VPS45: variants seen among roughly 807,000 people sequenced by gnomAD.
VPS45 encodes the protein vacuolar protein sorting-associated protein 45.
A neutral mutation model predicts 75.9 loss-of-function variants in VPS45; 35 were observed. The ratio of observed to expected loss-of-function variants is 0.46; its 90% confidence interval spans 0.35 to 0.61. VPS45 has a LOEUF of 0.61. VPS45 is among the 20% of genes least tolerant of loss of function. The probability of loss-of-function intolerance (pLI) is 0.00; values close to 1 mark genes in which losing one functional copy is unlikely to be tolerated. For synonymous variants in VPS45, 220 were observed against 238.2 expected (o/e 0.92, Z 0.70); for missense variants, 559 against 685.9 (o/e 0.81, Z 2.07).
chr1:150,122,501 C>A (rs1185972883), intron 14 of VPS45, among the ~76,000 whole-genome samples: 4 of 151,904 alleles, frequency 2.6e-5, no homozygotes, highest in African/African-American at 9.7e-5. Context: ...GCATCAATAC[C>A]TGGGGCTGTT....
chr1:150,083,038 T>A, intron 10 of VPS45, 155 bp downstream of exon 10: 1 of 772,080 alleles, frequency 1.3e-6, no homozygotes, highest in Non-Finnish European at 1.9e-6. Flanking sequence ...AAGATAGATC[T>A]ATAAAAAGAG....
At chr1:150,081,197 A>G (rs1166767763) in intron 7 of VPS45, 145 bp from the exon 8 acceptor site, 4 of 792,950 alleles carry the variant, frequency 5.0e-6, no homozygotes, top group African/African-American at 1.8e-5. Flanking sequence ...TGCTTATAGC[A>G]CAAAGTATGA....
At chr1:150,138,991 A>C (rs1430370916) in intron 14 of VPS45, among the ~76,000 whole-genome samples, 1 of 152,046 alleles carries the variant, frequency 6.6e-6, no homozygotes, top group African/African-American at 2.4e-5. Context: ...TTACCTTCAA[A>C]ATACACCCAG....
At chr1:150,112,674 A>G (rs781821482) in intron 14 of VPS45, among the ~76,000 whole-genome samples, 1 of 152,156 alleles carries the variant, frequency 6.6e-6, no homozygotes, top group Non-Finnish European at 1.5e-5. Flanking sequence ...ATCTCATCTC[A>G]AAGTTAAAAG....
chr1:150,100,910 CT>C (rs1656942761), intron 13 of VPS45, among the ~76,000 whole-genome samples: 1 of 152,066 alleles, frequency 6.6e-6, no homozygotes, highest in Non-Finnish European at 1.5e-5. Flanking sequence ...CATTCTGGAC[CT>C]AGGAACAGGC....
chr1:150,079,705 C>T lies in VPS45; in HGVS notation c.688-1637C>T, dbSNP rs782133058. Among the ~76,000 whole-genome samples the T allele has an allele frequency of 9.2e-5, 14 of 152,190 alleles. 1 individual carries two copies. Among genetic ancestry groups the T allele is most frequent in the Non-Finnish European group, 1.9e-4 (13 of 68,032 alleles). ...AAGATGACAGGCGTGAGCCACCACG[C>T]CCGGCTGTGACTTTGTATTTACAGA... On this transcript the variant is annotated intron_variant, in intron 7 of 14. Transcript: ENST00000644510.
intron 14 of VPS45, among the ~76,000 whole-genome samples, chr1:150,137,448 C>T (rs968759349): frequency 2.0e-5 from 3 of 152,148 alleles, no homozygotes; most frequent in Non-Finnish European, 2.9e-5. Flanking sequence ...GAAGAAAACC[C>T]GCTCACTGCC....
intron 14 of VPS45, among the ~76,000 whole-genome samples, chr1:150,132,276 C>T (rs1403142242): frequency 6.6e-6 from 1 of 152,086 alleles, no homozygotes; most frequent in African/African-American, 2.4e-5. Context: ...TACAGATTTG[C>T]ATATTTGTTT....
At chr1:150,103,383 TCTTC>T (rs1161523295) in intron 13 of VPS45, among the ~76,000 whole-genome samples, 3 of 152,208 alleles carry the variant, frequency 2.0e-5, no homozygotes, top group Non-Finnish European at 4.4e-5. Context: ...TCATAGACGT[TCTTC>T]CTTAAGTCAG....
chr1:150,083,940 A>G (rs1553800098), intron 10 of VPS45, among the ~76,000 whole-genome samples: 1 of 152,116 alleles, frequency 6.6e-6, no homozygotes, highest in Admixed American at 6.5e-5. Flanking sequence ...AGACAAAACT[A>G]AAGCACAAGA....
intron 10 of VPS45, among the ~76,000 whole-genome samples, chr1:150,084,222 A>G (rs901025635): frequency 6.6e-6 from 1 of 152,206 alleles, no homozygotes. Context: ...ACAGTTTACA[A>G]GCTTTATGAA....
intron 14 of VPS45, among the ~76,000 whole-genome samples, chr1:150,130,468 A>G (rs188680352): frequency 7.2e-5 from 11 of 152,300 alleles, no homozygotes; most frequent in Admixed American, 4.6e-4. Context: ...CTGAGATTAT[A>G]GGCATAAACC....
chr1:150,068,714 C>T lies in VPS45; in HGVS notation c.178C>T (p.Arg60Ter). The change falls in exon 2 of 15, where the codon CGA (arginine) becomes TGA (stop). Residue 60 changes from arginine to a stop codon, truncating the protein, a stop_gained. Coordinates refer to ENST00000644510, the MANE Select transcript of VPS45 (RefSeq NM_007259.5). LOFTEE classifies it high-confidence loss of function. ...CTTTGAACGCATTGATTCTCAAAAT[C>T]GAGAGATCATGAAACACCTGAAGGC... ...YLFERIDSQNREIMKHLKAIC... is the reference protein window; with the variant it reads ...YLFERIDSQN 6.2e-7 allele frequency: 1 copy of T among 1,612,912 alleles called. No individual in the cohort carries two copies. The highest frequency in any genetic ancestry group is 8.5e-7 in the Non-Finnish European group (1 of 1,179,428).
At chr1:150,068,268 C>T in intron 1 of VPS45, 1 of 381,456 alleles carries the variant, frequency 2.6e-6, no homozygotes, top group South Asian at 6.6e-5. Flanking sequence ...TTCCACTCAA[C>T]ATTGTGTTTT....
chr1:150,087,579 T>C (rs1168019366), intron 10 of VPS45, among the ~76,000 whole-genome samples: 1 of 152,226 alleles, frequency 6.6e-6, no homozygotes, highest in African/African-American at 2.4e-5. Flanking sequence ...TGTATGCCAC[T>C]GTCAATCAAG....
At chr1:150,131,367 G>A (rs782036742) in intron 14 of VPS45, among the ~76,000 whole-genome samples, 1 of 152,088 alleles carries the variant, frequency 6.6e-6, no homozygotes, top group Non-Finnish European at 1.5e-5. Flanking sequence ...AAATTAGCTG[G>A]GTGTGGTGGC....
intron 10 of VPS45, among the ~76,000 whole-genome samples, chr1:150,091,069 C>T (rs1656298784): frequency 6.6e-6 from 1 of 152,204 alleles, no homozygotes; most frequent in Non-Finnish European, 1.5e-5. Flanking sequence ...CTGTGTTAAA[C>T]TGACACCATT....
chr1:150,115,687 A>G lies in VPS45; in HGVS notation c.1625+5060A>G, dbSNP rs115717590. On this transcript the variant is annotated intron_variant, in intron 14 of 14. Transcript: ENST00000644510. ...TACCCCAAGAGCATTGTCAGTCTGG[A>G]ATCATTTTTATGTTAGTTGCTATAC... Among the ~76,000 whole-genome samples, 570 of 152,260 alleles carry G rather than the reference A, an allele frequency of 3.7e-3. 1 individual carries two copies. Among genetic ancestry groups the G allele is most frequent in the African/African-American group, 0.013 (541 of 41,548 alleles).
upstream of VPS45, chr1:150,067,759 G>A: frequency 1.6e-6 from 2 of 1,248,498 alleles, no homozygotes; most frequent in Non-Finnish European, 2.3e-6. Context: ...CCGAATCCCG[G>A]CTGGGAGGAA....
Sources: gnomAD v4.1 joint callset for allele counts (sites outside exome capture counted in the v4.1 genomes callset) on GRCh38, gnomAD v4.1.1 for gene constraint, MANE v1.5 for transcripts, NCBI Gene and HGNC (gene_info 2026-07-23, HGNC 2026-07-21) for gene names.